CD69: variants seen among roughly 807,000 people sequenced by gnomAD.
The protein encoded by CD69 is early activation antigen CD69.
A neutral mutation model predicts 21.4 loss-of-function variants in CD69; 10 were observed. The observed-to-expected ratio is 0.47, with a 90% CI of 0.29 to 0.79. CD69 has a LOEUF of 0.79. Among genes scored for constraint, CD69 ranks in the 30% least tolerant of loss-of-function variants. The pLI, the probability that CD69 is intolerant of heterozygous loss-of-function variation, is 0.09. For missense variants in CD69, 204 were observed against 236.9 expected (o/e 0.86, Z 0.91); for synonymous variants, 63 against 78.2 (o/e 0.81, Z 1.03).
Position 9,755,189 on chromosome 12 carries a change from T to C in CD69, c.260A>G (p.Glu87Gly), listed in dbSNP as rs746297540. The C allele has an allele frequency of 8.7e-6, 14 of 1,614,066 alleles. No individual in the cohort carries two copies. The South Asian group carries it at 1.1e-4, about 13-fold the overall frequency. Residue 87 changes from glutamate to glycine, a missense_variant, in exon 3 of 5, where the codon GAG (glutamate) becomes GGG (glycine). Coordinates refer to ENST00000228434, the MANE Select transcript of CD69 (RefSeq NM_001781.2). ...TTTCCTCTGGTAGCCAACCCAGTCC[T>C]CAGAGCATGAAGAAACATGGCTGTC... Reference protein sequence around the residue: ...PSDSHVSSCSEDWVGYQRKCY... With the variant: ...PSDSHVSSCSGDWVGYQRKCY...
chr12:9,753,777 A>G (rs959383187), intron 4 of CD69, among the ~76,000 whole-genome samples, 188 bp from the exon 5 acceptor site: 11 of 152,204 alleles, frequency 7.2e-5, no homozygotes, highest in African/African-American at 2.7e-4. Flanking sequence ...GATGTGGAGA[A>G]AAAATATGGA....
At chr12:9,759,006 T>C (rs1188809053) in intron 1 of CD69, among the ~76,000 whole-genome samples, 2 of 151,972 alleles carry the variant, frequency 1.3e-5, no homozygotes, top group African/African-American at 2.4e-5. Context: ...CTCGGCTCAC[T>C]GCAAGCTCCG....
chr12:9,756,337 G>T lies in CD69; in HGVS notation c.147C>A (p.Val49=). 4.3e-6 allele frequency: 7 copies of T among 1,613,168 alleles called. No individual in the cohort carries two copies. The highest frequency in any genetic ancestry group is 5.9e-6 in the Non-Finnish European group (7 of 1,179,292). The change falls in exon 2 of 5, where the codon GTC becomes GTA. Residue 49 remains valine, a synonymous_variant. Coordinates refer to ENST00000228434, the MANE Select transcript of CD69 (RefSeq NM_001781.2). ...GAGCTATGATTAAAATGGTGATGAA[G>T]ACCACATTCATTACAGCACACAGGA... The part of the protein sequence containing the change: ...VPVLCAVMNV[V]FITILIIALI...
At chr12:9,754,474 A>G in intron 4 of CD69, 113 bp downstream of exon 4, 1 of 698,996 alleles carries the variant, frequency 1.4e-6, no homozygotes, top group South Asian at 1.7e-5. Context: ...AGAGATTGTT[A>G]GAGCTCTTGA....
chr12:9,759,678 G>A (rs887325548), intron 1 of CD69, among the ~76,000 whole-genome samples: 7 of 152,024 alleles, frequency 4.6e-5, no homozygotes, highest in African/African-American at 1.7e-4. Flanking sequence ...GTAGACACAC[G>A]CTTAGAAAAT....
intron 1 of CD69, among the ~76,000 whole-genome samples, chr12:9,759,843 A>C (rs3176790): frequency 0.18 from 27,547 of 152,120 alleles, 3,096 homozygotes; most frequent in African/African-American, 0.32. Flanking sequence ...GAAAAACTCA[A>C]CAAATTTTAC....
At position 9,760,775 on chromosome 12, in the gene CD69, G is replaced by A; in HGVS notation, c.46C>T (p.Pro16Ser). ...GACTTACTTTCTTGTCCACTCTCCG[G>A]ATGCAAAGAGCTGTTCTCTGCTACG... Reference protein sequence around the residue: ...CFVAENSSLHPESGQENDATS... With the variant: ...CFVAENSSLHSESGQENDATS... Residue 16 changes from proline (P) to serine (S), a missense_variant, in exon 1 of 5, where the codon CCG becomes TCG. Physicochemically the swap from Pro to Ser is moderately conservative, Grantham distance 74 (BLOSUM62 -1). Transcript: ENST00000228434. The A allele has an allele frequency of 6.2e-7, 1 of 1,612,670 alleles. No homozygotes were observed. The highest frequency in any genetic ancestry group is 1.6e-4 in the Middle Eastern group (1 of 6,062).
chr12:9,756,472 GGAATATGCAACAT>G, intron 1 of CD69, 53 bp from the exon 2 acceptor site: 1 of 1,437,550 alleles, frequency 7.0e-7, no homozygotes, highest in South Asian at 1.4e-5. Flanking sequence ...AAGTACTATA[GGAATATGCAACAT>G]TCTTTTGAGG....
In CD69 at chr12:9,754,697, G is replaced by T; in HGVS notation, c.388-7C>A. On this transcript the variant is annotated splice_region_variant and splice_polypyrimidine_tract_variant and intron_variant, in intron 3 of 4. Coordinates refer to ENST00000228434, the MANE Select transcript of CD69 (RefSeq NM_001781.2). ...CGTATCGTTTTAGAAAGTTCTTAAA[G>T]AAAGCACAAAGGAGTTTGTTACATT... 6.4e-7 allele frequency: 1 copy of T among 1,566,746 alleles called. No individual in the cohort carries two copies. Among genetic ancestry groups the T allele is most frequent in the Non-Finnish European group, 8.8e-7 (1 of 1,136,818 alleles).
chr12:9,753,835 A>C (rs963017744), intron 4 of CD69, among the ~76,000 whole-genome samples: 2 of 152,312 alleles, frequency 1.3e-5, no homozygotes, highest in East Asian at 3.9e-4. Context: ...GCACCAGATA[A>C]GTGATTCTTG....
At chr12:9,757,409 T>A (rs939877491) in intron 1 of CD69, among the ~76,000 whole-genome samples, 1 of 152,188 alleles carries the variant, frequency 6.6e-6, no homozygotes, top group Non-Finnish European at 1.5e-5. Flanking sequence ...TACTCCTATG[T>A]ATATCCTCAA....
chr12:9,757,778 A>G (rs1308378478), intron 1 of CD69, among the ~76,000 whole-genome samples: 1 of 152,226 alleles, frequency 6.6e-6, no homozygotes, highest in African/African-American at 2.4e-5. Context: ...ATTTAACTGG[A>G]ATGGGACACA....
chr12:9,753,445 A>G lies in CD69; in HGVS notation c.*36T>C, dbSNP rs1866646293. ...ACTGACACAGATTTCCTTGAGTTCC[A>G]TTCTATAATAGTCAATAAGTGAACA... On this transcript the variant is annotated 3_prime_UTR_variant, in exon 5 of 5. Transcript: ENST00000228434. 4 of 908,894 alleles carry G rather than the reference A, an allele frequency of 4.4e-6. No individual in the cohort carries two copies. Among genetic ancestry groups the G allele is most frequent in the Non-Finnish European group, 7.1e-6 (4 of 565,250 alleles). 56.3% of individuals were successfully genotyped at this position (908,894 alleles called of 1,614,324 possible).
chr12:9,757,036 C>T (rs1866685558), intron 1 of CD69, among the ~76,000 whole-genome samples: 1 of 152,098 alleles, frequency 6.6e-6, no homozygotes, highest in Non-Finnish European at 1.5e-5. Flanking sequence ...GCGGAGATTG[C>T]ACCACTGCAC....
At chr12:9,757,326 T>C (rs1591728326) in intron 1 of CD69, among the ~76,000 whole-genome samples, 1 of 151,992 alleles carries the variant, frequency 6.6e-6, no homozygotes, top group South Asian at 2.1e-4. Context: ...GGTGGGAGAG[T>C]AAATTGGAAA....
In CD69 at chr12:9,756,315, C is replaced by A; in HGVS notation, c.169G>T (p.Ala57Ser). ...GACCCACCTGATAAGGCAATGAGAG[C>A]TATGATTAAAATGGTGATGAAGACC... ...NVVFITILIIALIALSVGQYN... is the reference protein window; with the variant it reads ...NVVFITILIISLIALSVGQYN... The change falls in exon 2 of 5, where the codon GCT (alanine) becomes TCT (serine). Residue 57 changes from alanine (A) to serine (S), a missense_variant. Ala to Ser is a moderately conservative substitution (Grantham distance 99). Coordinates refer to ENST00000228434, the MANE Select transcript of CD69 (RefSeq NM_001781.2). 1 of 1,613,050 alleles carries A rather than the reference C, an allele frequency of 6.2e-7. No homozygotes were observed. Among genetic ancestry groups the A allele is most frequent in the Middle Eastern group, 1.7e-4 (1 of 6,058 alleles).
chr12:9,756,844 G>T (rs763223092), intron 1 of CD69, among the ~76,000 whole-genome samples: 23 of 152,136 alleles, frequency 1.5e-4, no homozygotes, highest in Non-Finnish European at 2.8e-4. Flanking sequence ...GGAGGCCGAG[G>T]TGAGTGGATT....
Position 9,754,631 on chromosome 12 carries a change from A to G in CD69, c.447T>C (p.Pro149=). ...CATTTGACCACTTCCATGGGTGACC[A>G]GGTTCCTTTTTCAGTCCAACCCAGT... ...EEHWVGLKKE[P]GHPWKWSNGK... Residue 149 remains proline (P), a synonymous_variant, in exon 4 of 5, where the codon CCT becomes CCC. Transcript: ENST00000228434. The G allele has an allele frequency of 6.2e-7, 1 of 1,612,962 alleles. No individual in the cohort carries two copies. Among genetic ancestry groups the G allele is most frequent in the Non-Finnish European group, 8.5e-7 (1 of 1,178,922 alleles).
At chr12:9,754,026 C>T (rs906689280) in intron 4 of CD69, 18 of 153,790 alleles carry the variant, frequency 1.2e-4, no homozygotes, top group Admixed American at 3.9e-4. Context: ...ATTTTAATCT[C>T]GATACTTTAT....
Sources: gnomAD v4.1 joint callset for allele counts (sites outside exome capture counted in the v4.1 genomes callset) on GRCh38, gnomAD v4.1.1 for gene constraint, MANE v1.5 for transcripts, NCBI Gene and HGNC (gene_info 2026-07-23, HGNC 2026-07-21) for gene names.